The following ISY1 variants were observed in gnomAD, a reference collection of about 807,000 sequenced individuals.
The protein encoded by ISY1 is ISY1 spliceosome associated protein, also known as pre-mRNA-splicing factor ISY1 homolog.
In ISY1, 12 loss-of-function variants were observed where a neutral mutation model predicts 54.4. That is an observed-to-expected ratio of 0.22 (90% CI 0.14 to 0.36). The LOEUF (loss-of-function observed/expected upper bound fraction) is 0.36, where lower values mean the gene tolerates loss of function less well. Among genes scored for constraint, ISY1 ranks in the 10% least tolerant of loss-of-function variants. The pLI, the probability that ISY1 is intolerant of heterozygous loss-of-function variation, is 1.00. For synonymous variants in ISY1, 96 were observed against 117.9 expected, an observed-to-expected ratio of 0.81 and a Z score of 1.20; for missense variants, 282 against 342.2, an observed-to-expected ratio of 0.82 and a Z score of 1.39.
chr3:129,130,456 G>A, intron 10 of ISY1, 94 bp downstream of exon 10: 1 of 1,474,400 alleles, frequency 6.8e-7, no homozygotes. Context: ...TGCCCTGATG[G>A]GTAGGAAGGA....
chr3:129,135,441 T>C (rs1006973553), intron 7 of ISY1, among the ~76,000 whole-genome samples: 5 of 152,100 alleles, frequency 3.3e-5, no homozygotes, highest in African/African-American at 1.2e-4. Context: ...TTGGACCCAT[T>C]TGTCCGTTTA....
chr3:129,145,890 T>C lies in ISY1; in HGVS notation c.188-17A>G. The stretch of plus-strand genomic sequence containing the variant: ...CTAAACCAGCTAGAAAACAAAAAGG[T>C]TAACAATATCATTCCATAAAAATGA... On this transcript the variant is annotated splice_polypyrimidine_tract_variant and intron_variant, in intron 5 of 10. Coordinates refer to ENST00000393295, the MANE Select transcript of ISY1 (RefSeq NM_020701.4). 1 of 1,612,834 alleles carries C rather than the reference T, an allele frequency of 6.2e-7. No individual in the cohort carries two copies. The highest frequency in any genetic ancestry group is 2.2e-5 in the East Asian group (1 of 44,858).
At chr3:129,153,418 G>A (rs1239211301) in intron 5 of ISY1, among the ~76,000 whole-genome samples, 1 of 152,118 alleles carries the variant, frequency 6.6e-6, no homozygotes, top group Non-Finnish European at 1.5e-5. Flanking sequence ...ATAATTATTT[G>A]TAGGAGGCTT....
At chr3:129,146,377 T>G (rs1936765797) in intron 5 of ISY1, among the ~76,000 whole-genome samples, 1 of 152,178 alleles carries the variant, frequency 6.6e-6, no homozygotes, top group Admixed American at 6.5e-5. Flanking sequence ...TTGAAAGGGA[T>G]GTACACAACA....
At chr3:129,132,360 C>A (rs1485939215) in intron 9 of ISY1, among the ~76,000 whole-genome samples, 1 of 152,140 alleles carries the variant, frequency 6.6e-6, no homozygotes, top group African/African-American at 2.4e-5. Context: ...AAAAAAAATT[C>A]TGCTGTGGGT....
chr3:129,149,788 CA>C (rs369302599), intron 5 of ISY1, among the ~76,000 whole-genome samples: 3,255 of 83,430 alleles, frequency 0.039, 96 homozygotes, highest in South Asian at 0.13. Context: ...GACTCCAACT[CA>C]AAAAAAAAAA....
At chr3:129,154,797 T>C (rs1937086990) in intron 5 of ISY1, among the ~76,000 whole-genome samples, 1 of 151,600 alleles carries the variant, frequency 6.6e-6, no homozygotes, top group Non-Finnish European at 1.5e-5. Context: ...CATGCCATTC[T>C]CCTGCCTCAG....
At chr3:129,134,285 G>C in intron 8 of ISY1, 90 bp from the exon 9 acceptor site, 1 of 1,582,508 alleles carries the variant, frequency 6.3e-7, no homozygotes, top group Non-Finnish European at 8.6e-7. Flanking sequence ...TGCAGGGAAA[G>C]TCTAGACATC....
intron 2 of ISY1, 60 bp from the exon 3 acceptor site, chr3:129,158,619 TA>T: frequency 6.2e-7 from 1 of 1,609,766 alleles, no homozygotes; most frequent in South Asian, 1.1e-5. Context: ...GACTTCTCAT[TA>T]CCCATGTTCC....
intron 7 of ISY1, chr3:129,137,206 T>A (rs1233257917): frequency 8.2e-6 from 8 of 981,416 alleles, no homozygotes; most frequent in Middle Eastern, 2.9e-4. Flanking sequence ...CCTAAAAAAA[T>A]AAAAAAATTT....
chr3:129,150,396 C>T lies in ISY1; in HGVS notation c.188-4523G>A, dbSNP rs190046660. 5.7e-3 allele frequency among the ~76,000 whole-genome samples: 861 copies of T among 152,268 alleles called. 2 individuals are homozygous for T. The highest frequency in any genetic ancestry group is 0.015 in the African/African-American group (613 of 41,546). On this transcript the variant is annotated intron_variant, in intron 5 of 10. Transcript: ENST00000393295. Reference sequence around the variant, plus strand: ...CATCCTAGTTTTCAGCATACAGATCCTGACTGTATTTTGTTAGATTTATAC... The same window carrying T: ...CATCCTAGTTTTCAGCATACAGATCTTGACTGTATTTTGTTAGATTTATAC...
chr3:129,150,755 G>C (rs1300620317), intron 5 of ISY1, among the ~76,000 whole-genome samples: 1 of 151,996 alleles, frequency 6.6e-6, no homozygotes. Flanking sequence ...GTTATTTCTT[G>C]TGTTTTGGTG....
chr3:129,151,978 G>C (rs980801683), intron 5 of ISY1, among the ~76,000 whole-genome samples: 3 of 152,064 alleles, frequency 2.0e-5, no homozygotes, highest in Non-Finnish European at 4.4e-5. Flanking sequence ...TGCCAACATG[G>C]TAAAACCCTG....
chr3:129,141,575 A>T (rs1230730378), intron 6 of ISY1, among the ~76,000 whole-genome samples: 1 of 152,012 alleles, frequency 6.6e-6, no homozygotes, highest in African/African-American at 2.4e-5. Context: ...TAACATGGTG[A>T]AACCCCGTCT....
At chr3:129,134,317 TCATTCTGCC>T (rs2107601270) in intron 8 of ISY1, 122 bp from the exon 9 acceptor site, 1 of 1,527,618 alleles carries the variant, frequency 6.5e-7, no homozygotes, top group Non-Finnish European at 8.8e-7. Context: ...GGGACACCCT[TCATTCTGCC>T]CCCGTGGGTG....
chr3:129,141,136 T>G (rs1169782855), intron 6 of ISY1, among the ~76,000 whole-genome samples: 2 of 148,794 alleles, frequency 1.3e-5, no homozygotes, highest in Non-Finnish European at 3.0e-5. Context: ...ACCTGGGAGG[T>G]GGAGATTGCA....
chr3:129,149,288 G>A (rs1022667601), intron 5 of ISY1, among the ~76,000 whole-genome samples: 4 of 151,354 alleles, frequency 2.6e-5, no homozygotes, highest in Non-Finnish European at 5.9e-5. Context: ...AATTAGCTGG[G>A]TATGGTGACA....
At chr3:129,159,078 G>C in intron 2 of ISY1, 76 bp downstream of exon 2, 2 of 1,554,888 alleles carry the variant, frequency 1.3e-6, no homozygotes, top group Admixed American at 2.0e-5. Context: ...ATACCAAAAA[G>C]AGGAAATACA....
intron 5 of ISY1, among the ~76,000 whole-genome samples, chr3:129,154,690 A>T (rs1937081528): frequency 4.0e-5 from 4 of 100,708 alleles, no homozygotes; most frequent in South Asian, 4.1e-4. Context: ...AATTTTATTG[A>T]TCTTTTTTTT....
Sources: allele counts gnomAD v4.1 joint callset (sites outside exome capture counted in the v4.1 genomes callset), GRCh38; gene constraint gnomAD v4.1.1; transcripts MANE v1.5; gene names NCBI Gene and HGNC (gene_info 2026-07-23, HGNC 2026-07-21).